ZNF653: variants seen among roughly 807,000 people sequenced by gnomAD.
ZNF653 encodes 67 kDa zinc finger protein.
Under a neutral mutation model 59.9 loss-of-function variants are expected in ZNF653, and 37 were observed. The observed-to-expected ratio is 0.62, with a 90% CI of 0.48 to 0.81. ZNF653 has a LOEUF of 0.81. ZNF653 is among the 40% of genes least tolerant of loss of function. ZNF653 has a pLI of 0.00. For missense variants in ZNF653, 808 were observed against 881.1 expected (o/e 0.92, Z 1.05); for synonymous variants, 435 against 371.8 (o/e 1.17, Z -1.96).
chr19:11,494,780 C>T (rs1971567827), intron 3 of ZNF653, among the ~76,000 whole-genome samples: 1 of 152,212 alleles, frequency 6.6e-6, no homozygotes, highest in East Asian at 1.9e-4. Context: ...CCAGCCTGAC[C>T]CATCACCAAA....
chr19:11,487,406 C>T lies in ZNF653; in HGVS notation c.1057G>A (p.Glu353Lys). Residue 353 changes from glutamate (E) to lysine (K), a missense_variant, in exon 4 of 9, where the codon GAG becomes AAG. Physicochemically the swap from Glu to Lys is moderately conservative, Grantham distance 56 (BLOSUM62 1). Transcript: ENST00000293771. This position sits in a 1 kb window ranked among gnomAD's most constrained non-coding sequence, Gnocchi z 5.1. ...SGVPGSGLGE[E>K]VPCAMMEGVA... ...CCCTCCATCATGGCACAGGGCACCTCCTCGCCCAGTCCACTGCCGGGGACA... is the reference window on the plus strand; with the variant it reads ...CCCTCCATCATGGCACAGGGCACCTTCTCGCCCAGTCCACTGCCGGGGACA... The T allele has an allele frequency of 6.2e-7, 1 of 1,612,230 alleles. No individual in the cohort carries two copies. The highest frequency in any genetic ancestry group is 8.5e-7 in the Non-Finnish European group (1 of 1,179,920).
chr19:11,485,628 C>T (rs781482425), intron 7 of ZNF653, 28 bp downstream of exon 7: 3 of 1,584,506 alleles, frequency 1.9e-6, no homozygotes, highest in Non-Finnish European at 8.7e-7. Flanking sequence ...GTCCCCCGCT[C>T]ATGCTGCCAG....
At chr19:11,486,241 G>C (rs1971464266) in intron 6 of ZNF653, among the ~76,000 whole-genome samples, 1 of 152,210 alleles carries the variant, frequency 6.6e-6, no homozygotes, top group South Asian at 2.1e-4. Flanking sequence ...TTACAGGTGT[G>C]AGCCACCGCA....
At chr19:11,492,033 C>CGTA (rs1971535247) in intron 3 of ZNF653, among the ~76,000 whole-genome samples, 1 of 152,006 alleles carries the variant, frequency 6.6e-6, no homozygotes, top group African/African-American at 2.4e-5. Context: ...CACATACCAC[C>CGTA]TTACAGTGCA....
At chr19:11,497,327 A>G (rs1971599047) in intron 2 of ZNF653, among the ~76,000 whole-genome samples, 1 of 152,182 alleles carries the variant, frequency 6.6e-6, no homozygotes, top group African/African-American at 2.4e-5. Context: ...GTGCTCCAGG[A>G]ACATTTGCTG....
Position 11,487,735 on chromosome 19 carries a change from T to G in ZNF653, c.728A>C (p.His243Pro). The change falls in exon 4 of 9, where the codon CAC (histidine) becomes CCC (proline). Residue 243 changes from histidine to proline, a missense_variant. Transcript: ENST00000293771. This position sits in a 1 kb window ranked among gnomAD's most constrained non-coding sequence, Gnocchi z 5.1. ...CACGTGGTGGACGTCAAAGGGAATGTGCACGCCCTCCTGAGTGATGAGCCC... is the reference window on the plus strand; with the variant it reads ...CACGTGGTGGACGTCAAAGGGAATGGGCACGCCCTCCTGAGTGATGAGCCC... ...SSGLITQEGV[H>P]IPFDVHHVES... 2 of 1,613,570 alleles carry G rather than the reference T, an allele frequency of 1.2e-6. No homozygotes were observed. The highest frequency in any genetic ancestry group is 2.2e-5 in the South Asian group (2 of 91,064).
At chr19:11,503,883 C>T (rs1310173346) in intron 1 of ZNF653, among the ~76,000 whole-genome samples, 1 of 152,012 alleles carries the variant, frequency 6.6e-6, no homozygotes, top group Non-Finnish European at 1.5e-5. Context: ...GCCGGAGAAT[C>T]ACTTGAGCCT....
At chr19:11,494,779 C>T (rs1971567803) in intron 3 of ZNF653, among the ~76,000 whole-genome samples, 1 of 152,226 alleles carries the variant, frequency 6.6e-6, no homozygotes, top group Non-Finnish European at 1.5e-5. Flanking sequence ...CCCAGCCTGA[C>T]CCATCACCAA....
chr19:11,485,323 C>T (rs1480430195), intron 7 of ZNF653, among the ~76,000 whole-genome samples: 1 of 152,030 alleles, frequency 6.6e-6, no homozygotes, highest in African/African-American at 2.4e-5. Context: ...GCCCCAGGTG[C>T]TGCTATAGGT....
At chr19:11,484,489 C>T (rs1188027805) in intron 7 of ZNF653, among the ~76,000 whole-genome samples, 5 of 152,060 alleles carry the variant, frequency 3.3e-5, no homozygotes, top group Admixed American at 6.6e-5. Flanking sequence ...GCAACCACAA[C>T]CTTGGTCTCG....
intron 1 of ZNF653, among the ~76,000 whole-genome samples, chr19:11,504,004 C>A (rs1461169866): frequency 6.6e-6 from 1 of 152,056 alleles, no homozygotes; most frequent in Non-Finnish European, 1.5e-5. Context: ...ACTCAGGAGG[C>A]GGAGGTAAGA....
At chr19:11,494,371 ACATAACATAAAACATAACAT>A (rs756626685) in intron 3 of ZNF653, among the ~76,000 whole-genome samples, 44 of 148,742 alleles carry the variant, frequency 3.0e-4, no homozygotes, top group African/African-American at 9.8e-4. Context: ...ACATAACATA[ACATAACATAAAACATAACAT>A]AACATAACAT....
chr19:11,489,975 A>G (rs1323141220), intron 3 of ZNF653, among the ~76,000 whole-genome samples: 1 of 152,210 alleles, frequency 6.6e-6, no homozygotes, highest in Admixed American at 6.5e-5. Context: ...CTGAATGTCC[A>G]ATAATTCAAT....
At chr19:11,503,033 CAA>C (rs948870549) in intron 1 of ZNF653, among the ~76,000 whole-genome samples, 3 of 119,160 alleles carry the variant, frequency 2.5e-5, no homozygotes, top group African/African-American at 3.1e-5. Flanking sequence ...GACTCCATCT[CAA>C]AAAAAAAAAA....
chr19:11,501,749 C>T (rs1264966722), intron 1 of ZNF653, among the ~76,000 whole-genome samples: 1 of 152,118 alleles, frequency 6.6e-6, no homozygotes, highest in Non-Finnish European at 1.5e-5. Context: ...GGAGAGCAAC[C>T]GCCACACTCA....
rs1555736350 is a variant in ZNF653, at chr19:11,487,978, T to TTTTATTTTATTTTATTTATTTATTTA, written c.560-76_560-75insTAAATAAATAAATAAAATAAAATAAA. On this transcript the variant is annotated intron_variant, in intron 3 of 8. Coordinates refer to ENST00000293771, the MANE Select transcript of ZNF653 (RefSeq NM_138783.4). The surrounding 1 kb of genome is among the most constrained non-coding windows in gnomAD (Gnocchi z 5.1). ...ATTTGTTTATTTAGTTTTTATTTTA[T>TTTTATTTTATTTTATTTATTTATTTA]TTTATTTATTTATTTATTTATTTTT... 7.9e-6 allele frequency: 9 copies of TTTTATTTTATTTTATTTATTTATTTA among 1,134,946 alleles called. No individual in the cohort carries two copies. The African/African-American group carries it at 1.4e-4, about 18-fold the overall frequency. The allele number at this position is 1,134,946 out of a possible 1,614,324, so 70.3% of individuals were successfully genotyped here.
chr19:11,489,823 C>T (rs1347576227), intron 3 of ZNF653, among the ~76,000 whole-genome samples: 4 of 152,236 alleles, frequency 2.6e-5, no homozygotes, highest in African/African-American at 9.6e-5. Flanking sequence ...ATCCTGGGCC[C>T]TTCCTGGTGG....
At position 11,483,454 on chromosome 19, in the gene ZNF653, C is replaced by T; in HGVS notation, c.*228G>A. On this transcript the variant is annotated 3_prime_UTR_variant, in exon 9 of 9. Transcript: ENST00000293771. ...TCCTTTCTCGCTCTTTAATCTCACT[C>T]TGCTCTCTTGACACAGTTCCAGCAA... The T allele has an allele frequency of 2.2e-6, 3 of 1,359,046 alleles. No individual in the cohort carries two copies. The highest frequency in any genetic ancestry group is 2.9e-5 in the East Asian group (1 of 34,006). The allele number at this position is 1,359,046 out of a possible 1,614,324, so 84.2% of individuals were successfully genotyped here. A position where few individuals can be genotyped will look rare whatever the true frequency, so the allele number is the denominator to read the frequency against.
rs1373877007 is a variant in ZNF653 at position 11,505,786 on chromosome 19, T to TC, written c.-1dup. 81 of 1,312,496 alleles carry TC rather than the reference T, an allele frequency of 6.2e-5. 1 individual carries two copies. In the Middle Eastern group the frequency reaches 8.4e-4, roughly 14 times the overall value. The allele number at this position is 1,312,496 out of a possible 1,614,324, so 81.3% of individuals were successfully genotyped here. On this transcript the variant is annotated 5_prime_UTR_variant, in exon 1 of 9. Transcript: ENST00000293771. ...TCGGGCTCTAGCGCCCGCTCCGCCA[T>TC]CCCCCCCACCCTGGTTACCAGCCTC... is the stretch of plus-strand genomic sequence containing the variant.
Sources: gnomAD v4.1 joint callset for allele counts (sites outside exome capture counted in the v4.1 genomes callset) on GRCh38, gnomAD v4.1.1 for gene constraint, Gnocchi (gnomAD v3.1) non-coding constraint, MANE v1.5 for transcripts, NCBI Gene and HGNC (gene_info 2026-07-23, HGNC 2026-07-21) for gene names.